The following BICRA variants were observed in gnomAD, a reference collection of about 807,000 sequenced individuals.
BICRA encodes the protein BRD4 interacting chromatin remodeling complex associated protein.
BICRA carries 31 observed loss-of-function variants against 96.9 expected under a neutral mutation model. That is an observed-to-expected ratio of 0.32 (90% CI 0.24 to 0.43). BICRA has a LOEUF of 0.43. BICRA is among the 20% of genes least tolerant of loss of function. The pLI, the probability that BICRA is intolerant of heterozygous loss-of-function variation, is 1.00. For synonymous variants in BICRA, 1,350 were observed against 1,071.8 expected (o/e 1.26, Z -5.07); for missense variants, 2,283 against 2,190.3 (o/e 1.04, Z -0.84).
chr19:47,668,568 A>G lies in BICRA; in HGVS notation c.-107-1875A>G, dbSNP rs143591839. 6.4e-3 allele frequency among the ~76,000 whole-genome samples: 966 copies of G among 151,026 alleles called. 6 individuals carry two copies. The highest frequency in any genetic ancestry group is 0.022 in the African/African-American group (914 of 41,016). On this transcript the variant is annotated intron_variant, in intron 1 of 14. Transcript: ENST00000594866. The stretch of plus-strand genomic sequence containing the variant: ...AGTGGTGCGATCTCGGCTCACTGCA[A>G]GCTCCGCCTCCTGTGTTCAAGTGAT...
intron 9 of BICRA, 34 bp downstream of exon 9, chr19:47,695,114 C>A: frequency 1.4e-6 from 2 of 1,406,472 alleles, no homozygotes; most frequent in Non-Finnish European, 1.9e-6. Context: ...CCCAGGGAGA[C>A]GGGGCCTGAA....
chr19:47,663,685 A>G (rs1972735200), intron 1 of BICRA: 1 of 152,172 alleles, frequency 6.6e-6, no homozygotes, highest in Non-Finnish European at 1.5e-5. Context: ...AAGGCTGGGA[A>G]AGTGAGTGTC....
chr19:47,695,493 A>G lies in BICRA; in HGVS notation c.3186+19A>G. On this transcript the variant is annotated intron_variant, in intron 10 of 14. Transcript: ENST00000594866. ...GCTGCAGGTAAGGGGCCCTTAGAGC[A>G]GGGGTCAGGACAGGACCAGGAGTCT... 2 of 1,203,516 alleles carry G rather than the reference A, an allele frequency of 1.7e-6. No homozygotes were observed. The highest frequency in any genetic ancestry group is 2.4e-6 in the Non-Finnish European group (2 of 825,770). 74.6% of individuals were successfully genotyped at this position (1,203,516 alleles called of 1,614,324 possible).
intron 1 of BICRA, among the ~76,000 whole-genome samples, chr19:47,630,012 A>T (rs1308150812): frequency 6.6e-6 from 1 of 151,938 alleles, no homozygotes; most frequent in East Asian, 1.9e-4. Flanking sequence ...AAGTACTTTA[A>T]TATTGTGTAA....
intron 1 of BICRA, among the ~76,000 whole-genome samples, chr19:47,617,373 T>C (rs966764758): frequency 6.6e-6 from 1 of 152,116 alleles, no homozygotes; most frequent in African/African-American, 2.4e-5. Context: ...TTATATTTTT[T>C]ATTTTTTTGA....
chr19:47,695,077 A>G lies in BICRA; in HGVS notation c.3073A>G (p.Thr1025Ala). The part of the protein sequence containing the change: ...HAPAPAPMAA[T>A]GLPPLLPAEN... ...CCCCGCCCCGGCACCCATGGCCGCC[A>G]CAGGTAGGAGAGAGGTCGCCTATGT... is the stretch of plus-strand genomic sequence containing the variant. The change falls in exon 9 of 15, where the codon ACA becomes GCA. Residue 1025 changes from threonine to alanine, a missense_variant. Thr to Ala is a moderately conservative substitution (Grantham distance 58). Coordinates refer to ENST00000594866, the MANE Select transcript of BICRA (RefSeq NM_001394372.1). The G allele has an allele frequency of 6.7e-7, 1 of 1,492,756 alleles. No individual in the cohort carries two copies. Among genetic ancestry groups the G allele is most frequent in the South Asian group, 1.3e-5 (1 of 78,636 alleles). The allele number at this position is 1,492,756 out of a possible 1,614,324, so 92.5% of individuals were successfully genotyped here.
intron 1 of BICRA, among the ~76,000 whole-genome samples, chr19:47,621,110 G>A (rs989044645): frequency 3.9e-5 from 6 of 152,120 alleles, no homozygotes; most frequent in African/African-American, 7.2e-5. Context: ...ACTGCTCAGC[G>A]GGGAAACCGA....
chr19:47,665,051 A>T (rs1972757628), intron 1 of BICRA, among the ~76,000 whole-genome samples: 1 of 136,572 alleles, frequency 7.3e-6, no homozygotes, highest in Admixed American at 7.2e-5. Flanking sequence ...CCACTCTGCA[A>T]CCTCAGTCAC....
In BICRA at chr19:47,670,535, T is replaced by C. The variant is rs1972848229; in HGVS notation, c.-15T>C. 1 of 152,116 alleles carries C rather than the reference T, an allele frequency of 6.6e-6. No individual in the cohort carries two copies. Among genetic ancestry groups the C allele is most frequent in the Admixed American group, 6.6e-5 (1 of 15,262 alleles). 9.4% of individuals were successfully genotyped at this position (152,116 alleles called of 1,614,324 possible). ...CCCCTCCTTCCCTTCATGATTCGTT[T>C]GTAGCGCAGGTAACCAGCGAAGCAT... On this transcript the variant is annotated 5_prime_UTR_variant, in exon 2 of 15. Coordinates refer to ENST00000594866, the MANE Select transcript of BICRA (RefSeq NM_001394372.1).
chr19:47,701,304 G>A lies in BICRA; in HGVS notation c.3596-24G>A, dbSNP rs764044066. The A allele has an allele frequency of 3.8e-5, 61 of 1,590,896 alleles. No homozygotes were observed. Among genetic ancestry groups the A allele is most frequent in the Non-Finnish European group, 3.8e-5 (44 of 1,165,096 alleles). On this transcript the variant is annotated intron_variant, in intron 14 of 14. Transcript: ENST00000594866. This position sits in a 1 kb window ranked among gnomAD's most constrained non-coding sequence, Gnocchi z 5.4. The stretch of plus-strand genomic sequence containing the variant: ...GGGGGTCCTCATCCTAACCCCGCGG[G>A]TTTTCTTTGCCCCGATTCTGCAGAC...
rs757534626 is a variant in BICRA, at chr19:47,699,414, G to C, written c.3595+9G>C. On this transcript the variant is annotated intron_variant, in intron 14 of 14. Coordinates refer to ENST00000594866, the MANE Select transcript of BICRA (RefSeq NM_001394372.1). This position sits in a 1 kb window ranked among gnomAD's most constrained non-coding sequence, Gnocchi z 5.0. The stretch of plus-strand genomic sequence containing the variant: ...GGCCAAGGAGAAGCCGGGTGAGAGG[G>C]GGGAGTGAGAGGGGAGGGGAGGGAG... The C allele has an allele frequency of 6.7e-7, 1 of 1,496,712 alleles. No individual in the cohort carries two copies. Among genetic ancestry groups the C allele is most frequent in the South Asian group, 1.2e-5 (1 of 83,152 alleles). 92.7% of individuals were successfully genotyped at this position (1,496,712 alleles called of 1,614,324 possible).
intron 1 of BICRA, among the ~76,000 whole-genome samples, chr19:47,648,163 C>T (rs769318573): frequency 1.6e-4 from 25 of 151,970 alleles, no homozygotes; most frequent in South Asian, 2.1e-4. Context: ...CCTTCTGTGC[C>T]GATGCCCAGT....
intron 1 of BICRA, among the ~76,000 whole-genome samples, chr19:47,621,341 T>C (rs1972061445): frequency 6.6e-6 from 1 of 152,118 alleles, no homozygotes; most frequent in African/African-American, 2.4e-5. Context: ...AGGGTTGTCT[T>C]TTTCTGTTAA....
At chr19:47,686,178 G>C (rs991195805) in intron 7 of BICRA, among the ~76,000 whole-genome samples, 4 of 151,992 alleles carry the variant, frequency 2.6e-5, no homozygotes, top group African/African-American at 9.7e-5. Context: ...TGATCTGTCT[G>C]CCTTGGCCTC....
At chr19:47,665,487 T>A (rs1275650955) in intron 1 of BICRA, among the ~76,000 whole-genome samples, 1 of 152,042 alleles carries the variant, frequency 6.6e-6, no homozygotes, top group African/African-American at 2.4e-5. Flanking sequence ...TTGTTTTTTT[T>A]GGGATGGGGT....
chr19:47,654,464 C>T (rs928477263), intron 1 of BICRA, among the ~76,000 whole-genome samples: 1 of 151,772 alleles, frequency 6.6e-6, no homozygotes, highest in African/African-American at 2.4e-5. Context: ...GTGGGTTGTT[C>T]CCAGTATCTT....
chr19:47,634,036 C>A (rs371797676), intron 1 of BICRA, among the ~76,000 whole-genome samples: 1 of 152,234 alleles, frequency 6.6e-6, no homozygotes, highest in Non-Finnish European at 1.5e-5. Context: ...ATGTAAATTC[C>A]GTTTCCCCCT....
At position 47,634,701 on chromosome 19, in the gene BICRA, C is replaced by T. The variant is rs7253542; in HGVS notation, c.-108+25533C>T. ...AATGGCAGCTCCGAGCTCCCACCCA[C>T]CTGGGCCAGATACTTTGGTGCCATC... On this transcript the variant is annotated intron_variant, in intron 1 of 14. Transcript: ENST00000594866. 7.5e-3 allele frequency among the ~76,000 whole-genome samples: 1,148 copies of T among 152,064 alleles called. 13 individuals carry two copies. Among genetic ancestry groups the T allele is most frequent in the African/African-American group, 0.025 (1,039 of 41,426 alleles).
At chr19:47,696,276 G>A (rs538125422) in intron 10 of BICRA, among the ~76,000 whole-genome samples, 175 bp from the exon 11 acceptor site, 2 of 152,268 alleles carry the variant, frequency 1.3e-5, no homozygotes, top group East Asian at 3.9e-4. Context: ...CCCAGCCCAG[G>A]TCTTCCCCTG....
Sources: gnomAD v4.1 joint callset for allele counts (sites outside exome capture counted in the v4.1 genomes callset) on GRCh38, gnomAD v4.1.1 for gene constraint, Gnocchi (gnomAD v3.1) non-coding constraint, MANE v1.5 for transcripts, NCBI Gene and HGNC (gene_info 2026-07-23, HGNC 2026-07-21) for gene names.